Variants in P4HA3 observed in about 807,000 individuals in gnomAD.
P4HA3 encodes the protein prolyl 4-hydroxylase subunit alpha 3, also known as prolyl 4-hydroxylase subunit alpha-3.
In P4HA3, 60 loss-of-function variants were observed where a neutral mutation model predicts 66.7. The observed-to-expected ratio is 0.90, with a 90% CI of 0.73 to 1.12. P4HA3 has a LOEUF of 1.12. Ranked by LOEUF, P4HA3 falls within the 50% of genes most tolerant of loss-of-function variation. The probability of loss-of-function intolerance (pLI) is 0.00; values close to 1 mark genes in which losing one functional copy is unlikely to be tolerated. For synonymous variants in P4HA3, 263 were observed against 274.6 expected, an observed-to-expected ratio of 0.96 and a Z score of 0.42; for missense variants, 683 against 685.8, an observed-to-expected ratio of 1.00 and a Z score of 0.05.
chr11:74,280,636 A>G (rs1860560950), intron 7 of P4HA3, among the ~76,000 whole-genome samples: 1 of 152,178 alleles, frequency 6.6e-6, no homozygotes, highest in South Asian at 2.1e-4. Flanking sequence ...TCCATTCAAC[A>G]CCTGGTGGTG....
intron 4 of P4HA3, among the ~76,000 whole-genome samples, chr11:74,293,703 T>G (rs1243938973): frequency 3.9e-5 from 6 of 152,220 alleles, no homozygotes; most frequent in Non-Finnish European, 7.3e-5. Flanking sequence ...CCTTCACTTA[T>G]GAAGCTTAGT....
chr11:74,296,941 T>C (rs537384708), intron 4 of P4HA3, among the ~76,000 whole-genome samples: 22 of 150,028 alleles, frequency 1.5e-4, no homozygotes, highest in Non-Finnish European at 3.1e-4. Flanking sequence ...TTTCTTTTTT[T>C]TTTTTTTTTG....
rs757822078 is a variant in P4HA3 at position 74,289,081 on chromosome 11, T to C, written c.767A>G (p.Tyr256Cys). 10 of 1,574,560 alleles carry C rather than the reference T, an allele frequency of 6.4e-6. No homozygotes were observed. The highest frequency in any genetic ancestry group is 4.2e-5 in the African/African-American group (3 of 71,482). Residue 256 changes from tyrosine to cysteine, a missense_variant and splice_region_variant, in exon 5 of 13, where the codon TAC (tyrosine) becomes TGC (cysteine). Tyr to Cys is a radical substitution (Grantham distance 194, BLOSUM62 -2). Coordinates refer to ENST00000331597, the MANE Select transcript of P4HA3 (RefSeq NM_182904.5). ...ALSLSREFLLYSPDNKRMARN... is the reference protein window; with the variant it reads ...ALSLSREFLLCSPDNKRMARN... ...CTTATCTTTTATCCATTACGTACTG[T>C]AGAGAAGAAACTCCCGAGAGAGGCT...
At chr11:74,294,426 T>A (rs1861144245) in intron 4 of P4HA3, among the ~76,000 whole-genome samples, 1 of 152,222 alleles carries the variant, frequency 6.6e-6, no homozygotes, top group Non-Finnish European at 1.5e-5. Context: ...TTTGATCGTC[T>A]GAAGCCTTCT....
intron 1 of P4HA3, among the ~76,000 whole-genome samples, chr11:74,306,386 A>G (rs1050378807): frequency 2.6e-5 from 4 of 152,312 alleles, no homozygotes; most frequent in East Asian, 1.9e-4. Context: ...TAAAACACCA[A>G]TGGAATTTAT....
intron 9 of P4HA3, among the ~76,000 whole-genome samples, chr11:74,276,531 A>G (rs770358062): frequency 9.2e-5 from 14 of 152,220 alleles, no homozygotes; most frequent in Non-Finnish European, 1.8e-4. Context: ...CAGCCTGGGC[A>G]ACAGAGCAAG....
At chr11:74,252,123 T>C (rs1230151907) in intron 15 of P4HA3, among the ~76,000 whole-genome samples, 3 of 144,384 alleles carry the variant, frequency 2.1e-5, no homozygotes, top group Non-Finnish European at 3.0e-5. Context: ...TTTTTTTTTT[T>C]CTTGGCACAG....
intron 8 of P4HA3, among the ~76,000 whole-genome samples, chr11:74,279,130 G>A (rs900141315): frequency 1.3e-5 from 2 of 152,198 alleles, no homozygotes; most frequent in African/African-American, 2.4e-5. Flanking sequence ...AACAACTATA[G>A]ACATATTTTT....
intron 7 of P4HA3, among the ~76,000 whole-genome samples, chr11:74,285,148 C>T (rs1860744996): frequency 6.6e-6 from 1 of 151,994 alleles, no homozygotes; most frequent in Admixed American, 6.6e-5. Context: ...CTCTCTCTCT[C>T]AAAATATCTT....
intron 15 of P4HA3, chr11:74,259,876 T>C (rs1017894185): frequency 2.0e-5 from 3 of 152,240 alleles, no homozygotes; most frequent in Non-Finnish European, 4.4e-5. Context: ...ATAAAGCTGC[T>C]ATGACCATGG....
chr11:74,260,882 C>T (rs998208945), intron 14 of P4HA3, among the ~76,000 whole-genome samples: 5 of 152,150 alleles, frequency 3.3e-5, no homozygotes, highest in African/African-American at 1.2e-4. Context: ...ACATGACCCC[C>T]ATCACATGAA....
intron 15 of P4HA3, chr11:74,253,748 C>T: frequency 1.7e-6 from 1 of 599,182 alleles, no homozygotes. Flanking sequence ...CCTTTCCCTT[C>T]CCTGTACTGG....
At position 74,302,554 on chromosome 11, in the gene P4HA3, G is replaced by T; in HGVS notation, c.382C>A (p.Pro128Thr). Residue 128 changes from proline (P) to threonine (T), a missense_variant, in exon 3 of 13, where the codon CCA (proline) becomes ACA (threonine). Physicochemically the swap from Pro to Thr is conservative, Grantham distance 38. Coordinates refer to ENST00000331597, the MANE Select transcript of P4HA3 (RefSeq NM_182904.5). ...GCTCCCTCAAGGTCCTCAAAGGCTG[G>T]AAGGTCTTGCTCCACCTTCTCATAG... Reference protein sequence around the residue: ...DGYEKVEQDLPAFEDLEGAAR... With the variant: ...DGYEKVEQDLTAFEDLEGAAR... 1.2e-6 allele frequency: 2 copies of T among 1,614,240 alleles called. No homozygotes were observed. The highest frequency in any genetic ancestry group is 1.7e-6 in the Non-Finnish European group (2 of 1,180,038).
At chr11:74,300,031 G>T in intron 3 of P4HA3, among the ~76,000 whole-genome samples, 1 of 152,160 alleles carries the variant, frequency 6.6e-6, no homozygotes, top group East Asian at 1.9e-4. Flanking sequence ...TCTCAATTTT[G>T]AGCCTCTACT....
rs746554136 is a variant in P4HA3, at chr11:74,302,550, G to T, written c.386C>A (p.Ala129Asp). Residue 129 changes from alanine (A) to aspartate (D), a missense_variant, in exon 3 of 13, where the codon GCC (alanine) becomes GAC (aspartate). Ala to Asp is a moderately radical substitution (Grantham distance 126). Transcript: ENST00000331597. ...GYEKVEQDLPAFEDLEGAARA... is the reference protein window; with the variant it reads ...GYEKVEQDLPDFEDLEGAARA... Reference sequence around the variant, plus strand: ...TGCTGCTCCCTCAAGGTCCTCAAAGGCTGGAAGGTCTTGCTCCACCTTCTC... The same window carrying T: ...TGCTGCTCCCTCAAGGTCCTCAAAGTCTGGAAGGTCTTGCTCCACCTTCTC... 3.1e-6 allele frequency: 5 copies of T among 1,614,182 alleles called. No homozygotes were observed. The highest frequency in any genetic ancestry group is 3.3e-5 in the Admixed American group (2 of 60,020).
chr11:74,294,646 T>A (rs537462741), intron 4 of P4HA3, among the ~76,000 whole-genome samples: 1 of 152,348 alleles, frequency 6.6e-6, no homozygotes, highest in East Asian at 1.9e-4. Flanking sequence ...TTTCTGTTTG[T>A]TAGTTTTCCT....
chr11:74,275,753 A>G (rs1237971041), intron 9 of P4HA3, among the ~76,000 whole-genome samples: 1 of 152,192 alleles, frequency 6.6e-6, no homozygotes, highest in African/African-American at 2.4e-5. Context: ...CAATTTATAG[A>G]TCAATTTTGG....
intron 3 of P4HA3, among the ~76,000 whole-genome samples, chr11:74,299,703 C>A: frequency 6.7e-6 from 1 of 149,102 alleles, no homozygotes; most frequent in Admixed American, 6.7e-5. Context: ...ATATCAGGTA[C>A]CAGAAACAAA....
intron 9 of P4HA3, among the ~76,000 whole-genome samples, chr11:74,275,691 A>T (rs80107743): frequency 0.04 from 6,049 of 152,290 alleles, 127 homozygotes; most frequent in Middle Eastern, 0.11. Flanking sequence ...TAGGATCAGC[A>T]TGCTAATTTC....
Sources: gnomAD v4.1 joint callset for allele counts (sites outside exome capture counted in the v4.1 genomes callset) on GRCh38, gnomAD v4.1.1 for gene constraint, MANE v1.5 for transcripts, NCBI Gene and HGNC (gene_info 2026-07-23, HGNC 2026-07-21) for gene names.